The following SOS1 variants were observed in gnomAD, a reference collection of about 807,000 sequenced individuals.
SOS1 encodes son of sevenless homolog 1.
SOS1 carries 25 observed loss-of-function variants against 157.6 expected under a neutral mutation model. The observed-to-expected ratio is 0.16, with a 90% CI of 0.12 to 0.22. The LOEUF is 0.22. Ranked by LOEUF, SOS1 falls within the 10% of genes least tolerant of loss-of-function variation. SOS1 has a pLI of 1.00. For synonymous variants in SOS1, 528 were observed against 534.0 expected (o/e 0.99, Z 0.16); for missense variants, 1,237 against 1,599.1 (o/e 0.77, Z 3.86).
chr2:39,067,552 T>C (rs1307187024), intron 2 of SOS1, 76 bp downstream of exon 2: 2 of 1,343,664 alleles, frequency 1.5e-6, no homozygotes, highest in Admixed American at 3.4e-5. Flanking sequence ...GAGAGCAAAT[T>C]CTTTCCCTGT....
chr2:39,092,976 A>C (rs1672644108), intron 1 of SOS1, among the ~76,000 whole-genome samples: 1 of 152,368 alleles, frequency 6.6e-6, no homozygotes, highest in Non-Finnish European at 1.5e-5. Context: ...CAGAAATTTA[A>C]TGAGGCAATA....
At chr2:39,122,749 T>A (rs1005748867), upstream of SOS1, among the ~76,000 whole-genome samples, 72 of 152,146 alleles carry the variant, frequency 4.7e-4, no homozygotes, top group Non-Finnish European at 9.0e-4. Flanking sequence ...TTTCACTGTA[T>A]TGGCCAGGCT....
intron 20 of SOS1, chr2:38,992,553 G>A (rs1235212263): frequency 1.3e-5 from 2 of 152,216 alleles, no homozygotes; most frequent in Admixed American, 6.5e-5. Context: ...TTTCTTCTTC[G>A]CTGCTTAGCT....
chr2:39,031,979 G>A (rs532795611), intron 8 of SOS1, among the ~76,000 whole-genome samples: 23 of 152,150 alleles, frequency 1.5e-4, no homozygotes, highest in African/African-American at 5.5e-4. Flanking sequence ...TTCAGTGTCA[G>A]CAGCATTAAA....
chr2:39,011,098 T>TGTTTCACCACCA (rs1669453131), intron 14 of SOS1, among the ~76,000 whole-genome samples: 1 of 152,144 alleles, frequency 6.6e-6, no homozygotes, highest in Non-Finnish European at 1.5e-5. Context: ...GGTTTCACCA[T>TGTTTCACCACCA]GTTGGCCAGG....
At chr2:39,091,013 T>C (rs566291781) in intron 1 of SOS1, among the ~76,000 whole-genome samples, 12 of 152,142 alleles carry the variant, frequency 7.9e-5, no homozygotes, top group African/African-American at 2.4e-4. Flanking sequence ...GGACTACCGG[T>C]GCACGCCACC....
chr2:39,087,764 C>T (rs1558507498), intron 1 of SOS1, among the ~76,000 whole-genome samples: 2 of 152,094 alleles, frequency 1.3e-5, no homozygotes, highest in Admixed American at 6.6e-5. Context: ...TGCCTCCCCT[C>T]TCCTCCCAGG....
chr2:39,091,833 T>C (rs1672610046), intron 1 of SOS1, among the ~76,000 whole-genome samples: 2 of 152,182 alleles, frequency 1.3e-5, no homozygotes. Context: ...CACTTCCACT[T>C]TCTTGCCACT....
At chr2:39,044,864 G>GCGCGCGCACACA (rs147443441) in intron 6 of SOS1, among the ~76,000 whole-genome samples, 5 of 147,760 alleles carry the variant, frequency 3.4e-5, no homozygotes, top group African/African-American at 5.0e-5. Flanking sequence ...GCGCGCGCGC[G>GCGCGCGCACACA]CACACACACA....
intron 10 of SOS1, among the ~76,000 whole-genome samples, chr2:39,020,438 C>G (rs1435386761): frequency 6.6e-6 from 1 of 151,512 alleles, no homozygotes; most frequent in Non-Finnish European, 1.5e-5. Context: ...TATTACAATT[C>G]TATATAATAA....
At chr2:38,995,903 G>A (rs1014093769) in intron 19 of SOS1, among the ~76,000 whole-genome samples, 3 of 152,242 alleles carry the variant, frequency 2.0e-5, no homozygotes, top group South Asian at 4.2e-4. Flanking sequence ...TCATTTCTCA[G>A]TGAGTGCTTC....
At chr2:39,071,331 A>C (rs1558499853) in intron 1 of SOS1, among the ~76,000 whole-genome samples, 2 of 152,190 alleles carry the variant, frequency 1.3e-5, no homozygotes, top group African/African-American at 4.8e-5. Context: ...TACGGAGTGG[A>C]TGCCCATGGA....
chr2:39,071,888 T>G, intron 1 of SOS1, among the ~76,000 whole-genome samples: 1 of 152,038 alleles, frequency 6.6e-6, no homozygotes, highest in South Asian at 2.1e-4. Flanking sequence ...TTCTCTCAAG[T>G]TTTTTTATCT....
intron 6 of SOS1, among the ~76,000 whole-genome samples, chr2:39,038,560 C>T (rs1670438009): frequency 6.6e-6 from 1 of 150,592 alleles, no homozygotes; most frequent in Non-Finnish European, 1.5e-5. Context: ...ATGGTGAAAC[C>T]CTCTCTCTAC....
At chr2:39,120,315 G>A (rs1197893994) in intron 1 of SOS1, 21 bp downstream of exon 1, 3 of 1,559,236 alleles carry the variant, frequency 1.9e-6, no homozygotes, top group Admixed American at 1.8e-5. Flanking sequence ...GCCGGGAAGC[G>A]GGGTCCCGCG....
chr2:39,046,708 G>T (rs1157590997), intron 6 of SOS1, among the ~76,000 whole-genome samples: 1 of 152,018 alleles, frequency 6.6e-6, no homozygotes. Flanking sequence ...TCACCATATT[G>T]CCCAGGCTGG....
intron 5 of SOS1, among the ~76,000 whole-genome samples, chr2:39,054,360 T>C (rs990769068): frequency 2.6e-5 from 4 of 152,244 alleles, no homozygotes; most frequent in African/African-American, 9.6e-5. Context: ...ACAAGAAGCT[T>C]TATCCTTTGG....
At chr2:39,036,648 A>C (rs530325117) in intron 6 of SOS1, among the ~76,000 whole-genome samples, 2 of 152,048 alleles carry the variant, frequency 1.3e-5, no homozygotes, top group South Asian at 2.1e-4. Flanking sequence ...ATCTCGGCTC[A>C]CTGCAAGCTC....
intron 1 of SOS1, among the ~76,000 whole-genome samples, chr2:39,091,147 G>C (rs1303398255): frequency 6.6e-6 from 1 of 152,170 alleles, no homozygotes; most frequent in Non-Finnish European, 1.5e-5. Flanking sequence ...GGGATTACAG[G>C]TATGAGCCAC....
Sources: allele counts gnomAD v4.1 joint callset (sites outside exome capture counted in the v4.1 genomes callset), GRCh38; gene constraint gnomAD v4.1.1; transcripts MANE v1.5; gene names NCBI Gene and HGNC (gene_info 2026-07-23, HGNC 2026-07-21).